ANO6: variants seen among roughly 807,000 people sequenced by gnomAD.
The protein encoded by ANO6 is anoctamin 6.
ANO6 carries 106 observed loss-of-function variants against 117.5 expected under a neutral mutation model. The observed-to-expected ratio is 0.90, with a 90% CI of 0.77 to 1.06. ANO6 has a LOEUF of 1.06. Among genes scored for constraint, ANO6 ranks in the 50% least tolerant of loss-of-function variants. The pLI is 0.00. For missense variants in ANO6, 955 were observed against 1,121.1 expected, an observed-to-expected ratio of 0.85 and a Z score of 2.12; for synonymous variants, 367 against 385.1, an observed-to-expected ratio of 0.95 and a Z score of 0.55.
chr12:45,371,528 T>A (rs1413419746), intron 9 of ANO6, among the ~76,000 whole-genome samples: 2 of 151,456 alleles, frequency 1.3e-5, no homozygotes, highest in East Asian at 2.0e-4. Context: ...ACAGGCAGAC[T>A]GCCTCCTCAA....
At chr12:45,306,436 C>T (rs1939672103) in intron 2 of ANO6, among the ~76,000 whole-genome samples, 1 of 152,020 alleles carries the variant, frequency 6.6e-6, no homozygotes, top group Non-Finnish European at 1.5e-5. Flanking sequence ...GAAAAATAGG[C>T]TCAGGAAGAT....
intron 19 of ANO6, among the ~76,000 whole-genome samples, chr12:45,427,811 G>A (rs542080017): frequency 1.3e-5 from 2 of 151,456 alleles, no homozygotes; most frequent in African/African-American, 2.4e-5. Flanking sequence ...ATGGTGGCAG[G>A]TACCTGTAAT....
intron 2 of ANO6, among the ~76,000 whole-genome samples, chr12:45,308,255 A>C (rs1182509317): frequency 6.6e-6 from 1 of 151,820 alleles, no homozygotes; most frequent in Non-Finnish European, 1.5e-5. Flanking sequence ...GAGGGCAAGA[A>C]GGGAATCCCG....
intron 12 of ANO6, among the ~76,000 whole-genome samples, chr12:45,395,474 C>G (rs1406961675): frequency 6.6e-6 from 1 of 152,126 alleles, no homozygotes; most frequent in Non-Finnish European, 1.5e-5. Context: ...AGAGGGAATC[C>G]TCCCTAACTC....
chr12:45,328,553 C>A (rs1014488054), intron 2 of ANO6, among the ~76,000 whole-genome samples: 1 of 152,118 alleles, frequency 6.6e-6, no homozygotes, highest in Non-Finnish European at 1.5e-5. Context: ...AGGAAAAACA[C>A]TTAGGAATAT....
Position 45,291,781 on chromosome 12 carries a change from ATTTT to A in ANO6, c.71-10225_71-10222del, listed in dbSNP as rs760935558. ...CTTTACACCTACCGGGATGGCTACTATTTTTTTTTTTAATCAAATAAGAGCACAC... is the reference window on the plus strand; with the variant it reads ...CTTTACACCTACCGGGATGGCTACTATTTTTTTAATCAAATAAGAGCACAC... On this transcript the variant is annotated intron_variant, in intron 1 of 19. Coordinates refer to ENST00000320560, the MANE Select transcript of ANO6 (RefSeq NM_001025356.3). 3.4e-5 allele frequency among the ~76,000 whole-genome samples: 5 copies of A among 148,212 alleles called. No individual in the cohort carries two copies. The East Asian group carries it at 7.8e-4, about 23-fold the overall frequency.
At chr12:45,407,499 C>G (rs977495720) in intron 15 of ANO6, among the ~76,000 whole-genome samples, 1 of 76,120 alleles carries the variant, frequency 1.3e-5, no homozygotes, top group East Asian at 6.2e-4. Flanking sequence ...CCCCCCCCCC[C>G]GGAATGACTG....
Position 45,404,788 on chromosome 12 carries a change from A to T in ANO6, c.1880+1252A>T, listed in dbSNP as rs1048768657. On this transcript the variant is annotated intron_variant, in intron 15 of 19. Coordinates refer to ENST00000320560, the MANE Select transcript of ANO6 (RefSeq NM_001025356.3). ...CCCACTATATAGCTGGGAATTTTTT[A>T]AAATTTATCACCCTTCTTTACAGGC... 3.3e-4 allele frequency among the ~76,000 whole-genome samples: 50 copies of T among 152,202 alleles called. 1 individual carries two copies. Among genetic ancestry groups the T allele is most frequent in the Admixed American group, 6.5e-4 (10 of 15,292 alleles).
At chr12:45,230,768 AAGT>A (rs1256024173) in intron 1 of ANO6, among the ~76,000 whole-genome samples, 3 of 152,182 alleles carry the variant, frequency 2.0e-5, no homozygotes, top group African/African-American at 7.2e-5. Flanking sequence ...AAGGTCTAAA[AAGT>A]AGTGTTCTTG....
At chr12:45,219,381 G>C (rs1360112320) in intron 1 of ANO6, among the ~76,000 whole-genome samples, 1 of 152,256 alleles carries the variant, frequency 6.6e-6, no homozygotes, top group Admixed American at 6.5e-5. Flanking sequence ...CCTCTGTCAG[G>C]CTGGAGTGCA....
chr12:45,433,703 G>A (rs755241203), downstream of ANO6, among the ~76,000 whole-genome samples: 3 of 151,880 alleles, frequency 2.0e-5, no homozygotes, highest in South Asian at 2.1e-4. Flanking sequence ...CACCGTCACC[G>A]TTAAGATTCA....
rs1947304898 is a variant in ANO6, at chr12:45,216,129, C to T, written c.-193C>T. 3 of 612,196 alleles carry T rather than the reference C, an allele frequency of 4.9e-6. No homozygotes were observed. The highest frequency in any genetic ancestry group is 8.5e-6 in the Non-Finnish European group (3 of 352,532). The allele number at this position is 612,196 out of a possible 1,614,324, so 37.9% of individuals were successfully genotyped here. On this transcript the variant is annotated 5_prime_UTR_variant, in exon 1 of 20. Transcript: ENST00000320560. Reference sequence around the variant, plus strand: ...GCTCCGCTCGGCAGGCGAGAGGCGTCCTCCGGCTCTGGGCTCCGGTCGGTG... The same window carrying T: ...GCTCCGCTCGGCAGGCGAGAGGCGTTCTCCGGCTCTGGGCTCCGGTCGGTG...
intron 1 of ANO6, among the ~76,000 whole-genome samples, chr12:45,263,155 G>A (rs372895501): frequency 6.6e-6 from 1 of 152,046 alleles, no homozygotes; most frequent in African/African-American, 2.4e-5. Flanking sequence ...ATTTTGTGAA[G>A]TTCTTGAGAA....
At chr12:45,246,016 T>C (rs1947820168) in intron 1 of ANO6, among the ~76,000 whole-genome samples, 1 of 151,728 alleles carries the variant, frequency 6.6e-6, no homozygotes, top group Non-Finnish European at 1.5e-5. Context: ...ATATTACTAA[T>C]AAGCATTACT....
chr12:45,290,770 A>C (rs768228734), intron 1 of ANO6, among the ~76,000 whole-genome samples: 25 of 152,252 alleles, frequency 1.6e-4, no homozygotes, highest in Non-Finnish European at 1.5e-5. Flanking sequence ...AAATGCTAAA[A>C]GTTGCAGAAA....
At chr12:45,265,760 A>G (rs1938195971) in intron 1 of ANO6, among the ~76,000 whole-genome samples, 1 of 152,176 alleles carries the variant, frequency 6.6e-6, no homozygotes, top group African/African-American at 2.4e-5. Context: ...GATAAAGCGC[A>G]AACCTCAGTG....
chr12:45,270,407 A>G, intron 1 of ANO6: 1 of 1,509,162 alleles, frequency 6.6e-7, no homozygotes, highest in Middle Eastern at 1.8e-4. Flanking sequence ...TCTGCAGCCT[A>G]ACACCATCCC....
intron 1 of ANO6, among the ~76,000 whole-genome samples, chr12:45,283,892 A>G (rs1938823473): frequency 6.6e-6 from 1 of 152,136 alleles, no homozygotes; most frequent in South Asian, 2.1e-4. Flanking sequence ...ATTGTCTCTC[A>G]CTTCCTCTTA....
At chr12:45,246,165 C>CG (rs1178812000) in intron 1 of ANO6, among the ~76,000 whole-genome samples, 1 of 151,838 alleles carries the variant, frequency 6.6e-6, no homozygotes, top group African/African-American at 2.4e-5. Flanking sequence ...CAGTTTATAC[C>CG]GGGGCTCACT....
Sources: allele counts gnomAD v4.1 joint callset (sites outside exome capture counted in the v4.1 genomes callset), GRCh38; gene constraint gnomAD v4.1.1; transcripts MANE v1.5; gene names NCBI Gene and HGNC (gene_info 2026-07-23, HGNC 2026-07-21).